TAFA1: variants seen among roughly 807,000 people sequenced by gnomAD.
The protein encoded by TAFA1 is chemokine-like protein TAFA-1.
Under a neutral mutation model 18.5 loss-of-function variants are expected in TAFA1, and 4 were observed. That is an observed-to-expected ratio of 0.22 (90% CI 0.11 to 0.49). The LOEUF is 0.49. Ranked by LOEUF, TAFA1 falls within the 20% of genes least tolerant of loss-of-function variation. TAFA1 has a pLI of 0.98. For synonymous variants in TAFA1, 56 were observed against 55.2 expected, an observed-to-expected ratio of 1.01 and a Z score of -0.06; for missense variants, 147 against 169.0, an observed-to-expected ratio of 0.87 and a Z score of 0.72.
intron 2 of TAFA1, among the ~76,000 whole-genome samples, chr3:68,210,578 A>G (rs1228135389): frequency 2.0e-5 from 3 of 151,974 alleles, no homozygotes; most frequent in African/African-American, 4.8e-5. Context: ...ACAATGTCTC[A>G]ATTTCTCAGA....
chr3:68,239,114 T>C (rs912885367), intron 2 of TAFA1, among the ~76,000 whole-genome samples: 1 of 152,194 alleles, frequency 6.6e-6, no homozygotes, highest in African/African-American at 2.4e-5. Flanking sequence ...GAGATGTGTG[T>C]ATTTATACTT....
chr3:68,502,091 T>A (rs1650314037), intron 3 of TAFA1, among the ~76,000 whole-genome samples: 1 of 152,186 alleles, frequency 6.6e-6, no homozygotes, highest in Non-Finnish European at 1.5e-5. Context: ...TTGAAGGGCT[T>A]TCAAGCAAGT....
At chr3:68,461,639 A>G (rs2071784675) in intron 3 of TAFA1, among the ~76,000 whole-genome samples, 2 of 151,250 alleles carry the variant, frequency 1.3e-5, no homozygotes, top group African/African-American at 4.9e-5. Context: ...ACATATCACC[A>G]TGATGTCAGT....
intron 3 of TAFA1, among the ~76,000 whole-genome samples, chr3:68,501,814 A>C (rs559931671): frequency 6.6e-6 from 1 of 152,326 alleles, no homozygotes; most frequent in South Asian, 2.1e-4. Context: ...AGTGATATTG[A>C]AGCCATGTCC....
intron 3 of TAFA1, among the ~76,000 whole-genome samples, chr3:68,435,447 A>G (rs1036717543): frequency 2.0e-5 from 3 of 152,186 alleles, no homozygotes; most frequent in Admixed American, 6.6e-5. Flanking sequence ...AATGAATGTT[A>G]TGGTTAGATC....
intron 2 of TAFA1, among the ~76,000 whole-genome samples, chr3:68,283,482 T>C (rs1299591632): frequency 6.6e-6 from 1 of 152,212 alleles, no homozygotes; most frequent in African/African-American, 2.4e-5. Context: ...CTCATCATTC[T>C]TGTAAGATAA....
chr3:68,417,582 T>C, intron 3 of TAFA1, 162 bp downstream of exon 3: 6 of 668,786 alleles, frequency 9.0e-6, no homozygotes, highest in Non-Finnish European at 1.5e-5. Flanking sequence ...AATTCTTTTT[T>C]CTCTGGTGCT....
At chr3:68,068,922 C>T (rs1016251091) in intron 2 of TAFA1, among the ~76,000 whole-genome samples, 51 of 152,162 alleles carry the variant, frequency 3.4e-4, no homozygotes, top group African/African-American at 1.2e-3. Flanking sequence ...ATTGTATGTG[C>T]ATAGACTCTA....
intron 2 of TAFA1, among the ~76,000 whole-genome samples, chr3:68,102,101 C>T (rs564875034): frequency 6.6e-6 from 1 of 152,106 alleles, no homozygotes; most frequent in South Asian, 2.1e-4. Context: ...TAGCTGATAC[C>T]TTTTTGACAT....
chr3:68,544,613 G>T lies in TAFA1; in HGVS notation c.*110G>T. ...CAAATGGATTTCTTACTTGCACTTT[G>T]ACTGGCTACCAGATAATCACAGTGC... is the stretch of plus-strand genomic sequence containing the variant. On this transcript the variant is annotated 3_prime_UTR_variant, in exon 5 of 5. Transcript: ENST00000478136. 1 of 1,093,568 alleles carries T rather than the reference G, an allele frequency of 9.1e-7. No homozygotes were observed. Among genetic ancestry groups the T allele is most frequent in the South Asian group, 1.3e-5 (1 of 74,224 alleles). 67.7% of individuals were successfully genotyped at this position (1,093,568 alleles called of 1,614,324 possible). A position where few individuals can be genotyped will look rare whatever the true frequency, so the allele number is the denominator to read the frequency against.
intron 2 of TAFA1, among the ~76,000 whole-genome samples, chr3:68,310,744 T>C (rs1221704885): frequency 6.6e-6 from 1 of 152,222 alleles, no homozygotes; most frequent in East Asian, 1.9e-4. Flanking sequence ...ATATTTGAAA[T>C]GAGTCTAATA....
chr3:68,092,236 T>G lies in TAFA1; in HGVS notation c.118+85492T>G, dbSNP rs995672426. Among the ~76,000 whole-genome samples, 25 of 152,256 alleles carry G rather than the reference T, an allele frequency of 1.6e-4. No homozygotes were observed. In the South Asian group the frequency reaches 3.5e-3, roughly 21 times the overall value. On this transcript the variant is annotated intron_variant, in intron 2 of 4. Coordinates refer to ENST00000478136, the MANE Select transcript of TAFA1 (RefSeq NM_213609.4). ...TTAATGAATGAAACACACACCTTTT[T>G]TTTTTCTGATGCCTAAAGACTTTAT...
At chr3:68,445,881 TG>T (rs1291828329) in intron 3 of TAFA1, among the ~76,000 whole-genome samples, 2 of 152,106 alleles carry the variant, frequency 1.3e-5, no homozygotes, top group Admixed American at 1.3e-4. Context: ...TAACATTTGT[TG>T]TTGTTGTTGT....
rs63748968 is a variant in TAFA1 at position 68,246,589 on chromosome 3, C to CAAAAAAAAAAAAAAAAAAAA, written c.119-170674_119-170655dup. On this transcript the variant is annotated intron_variant, in intron 2 of 4. Transcript: ENST00000478136. ...TGGGCGACAGAGCGGGACTCCGTCT[C>CAAAAAAAAAAAAAAAAAAAA]AAAAAAAAAAAAAAAAAAAAAAAAA... Among the ~76,000 whole-genome samples, 19 of 55,356 alleles carry CAAAAAAAAAAAAAAAAAAAA rather than the reference C, an allele frequency of 3.4e-4. 1 individual carries two copies. Among genetic ancestry groups the CAAAAAAAAAAAAAAAAAAAA allele is most frequent in the Admixed American group, 8.8e-4 (3 of 3,414 alleles). The allele number at this position is 55,356 out of a possible 152,430, so 36.3% of individuals were successfully genotyped here.
chr3:68,060,453 T>C (rs138817946), intron 2 of TAFA1, among the ~76,000 whole-genome samples: 170 of 152,206 alleles, frequency 1.1e-3, no homozygotes, highest in African/African-American at 3.7e-3. Context: ...TTAAAGAACA[T>C]TGTTTTAGGC....
intron 2 of TAFA1, among the ~76,000 whole-genome samples, chr3:68,148,564 T>C (rs2065769712): frequency 6.6e-6 from 1 of 152,228 alleles, no homozygotes; most frequent in African/African-American, 2.4e-5. Flanking sequence ...TCTGGGAATG[T>C]CAGAGAGACT....
intron 2 of TAFA1, among the ~76,000 whole-genome samples, chr3:68,194,508 G>A (rs78433269): frequency 0.037 from 5,613 of 151,748 alleles, 332 homozygotes; most frequent in African/African-American, 0.13. Context: ...CTATGCAATC[G>A]TTATGAAAGA....
At chr3:68,379,407 GCA>G (rs1189502486) in intron 2 of TAFA1, among the ~76,000 whole-genome samples, 1 of 152,178 alleles carries the variant, frequency 6.6e-6, no homozygotes, top group African/African-American at 2.4e-5. Flanking sequence ...ATTGTCAGAT[GCA>G]CAGTTTGCAA....
chr3:68,262,189 T>A (rs1453893286), intron 2 of TAFA1, among the ~76,000 whole-genome samples: 1 of 150,212 alleles, frequency 6.7e-6, no homozygotes. Flanking sequence ...TCCTCTCAGT[T>A]TGTATTCTTG....
Sources: allele counts gnomAD v4.1 joint callset (sites outside exome capture counted in the v4.1 genomes callset), GRCh38; gene constraint gnomAD v4.1.1; transcripts MANE v1.5; gene names NCBI Gene and HGNC (gene_info 2026-07-23, HGNC 2026-07-21).